The following ELP4 variants were observed in gnomAD, a reference collection of about 807,000 sequenced individuals.
ELP4 encodes the protein elongator acetyltransferase complex subunit 4.
A neutral mutation model predicts 48.9 loss-of-function variants in ELP4; 51 were observed. That is an observed-to-expected ratio of 1.04 (90% CI 0.83 to 1.32). The LOEUF (loss-of-function observed/expected upper bound fraction) is 1.32, where lower values mean the gene tolerates loss of function less well. Ranked by LOEUF, ELP4 falls within the 40% of genes most tolerant of loss-of-function variation. ELP4 has a pLI of 0.00. For missense variants in ELP4, 519 were observed against 514.6 expected, an observed-to-expected ratio of 1.01 and a Z score of -0.08; for synonymous variants, 210 against 189.2, an observed-to-expected ratio of 1.11 and a Z score of -0.90.
intron 5 of ELP4, among the ~76,000 whole-genome samples, chr11:31,607,973 T>C (rs1393136424): frequency 6.6e-6 from 1 of 151,984 alleles, no homozygotes; most frequent in Non-Finnish European, 1.5e-5. Flanking sequence ...AAGGCCTTTG[T>C]GGTTTTGTAG....
chr11:31,771,339 AT>A (rs576129191), intron 9 of ELP4, among the ~76,000 whole-genome samples: 4 of 151,854 alleles, frequency 2.6e-5, no homozygotes, highest in Non-Finnish European at 4.4e-5. Context: ...GTTTGCAACA[AT>A]TTTTTTTTCT....
chr11:31,531,464 T>C (rs1592087963), intron 2 of ELP4, among the ~76,000 whole-genome samples: 1 of 152,212 alleles, frequency 6.6e-6, no homozygotes, highest in South Asian at 2.1e-4. Context: ...CACACTGATA[T>C]CTTACCCAGC....
At chr11:31,527,429 A>G (rs903640875) in intron 2 of ELP4, among the ~76,000 whole-genome samples, 19 of 151,904 alleles carry the variant, frequency 1.3e-4, no homozygotes, top group African/African-American at 4.3e-4. Context: ...ATAGACATCT[A>G]AAATCAATGT....
intron 2 of ELP4, among the ~76,000 whole-genome samples, chr11:31,530,714 C>T (rs1300678428): frequency 6.6e-6 from 1 of 152,120 alleles, no homozygotes; most frequent in Non-Finnish European, 1.5e-5. Context: ...TATAGTCCAA[C>T]AGATATTTGA....
chr11:31,593,772 C>T (rs16922283), intron 3 of ELP4, among the ~76,000 whole-genome samples: 1 of 152,118 alleles, frequency 6.6e-6, no homozygotes, highest in Non-Finnish European at 1.5e-5. Context: ...TAATGCTTAG[C>T]TAGGAATGAT....
In ELP4 at chr11:31,539,782, A is replaced by G. The variant is rs1433077681; in HGVS notation, c.380A>G (p.Gln127Arg). Residue 127 changes from glutamine (Q) to arginine (R), a missense_variant and splice_region_variant, in exon 3 of 10, where the codon CAG (glutamine) becomes CGG (arginine). Transcript: ENST00000640961. ...SAKEDPANILQELPAPLLDDK... is the reference protein window; with the variant it reads ...SAKEDPANILRELPAPLLDDK... Reference sequence around the variant, plus strand: ...AAAGAGGATCCTGCCAACATTTTACAGGTATAGAATATATGAACTTAATAT... The same window carrying G: ...AAAGAGGATCCTGCCAACATTTTACGGGTATAGAATATATGAACTTAATAT... 1.2e-6 allele frequency: 2 copies of G among 1,604,960 alleles called. No individual in the cohort carries two copies. The highest frequency in any genetic ancestry group is 1.3e-5 in the African/African-American group (1 of 74,552).
chr11:31,548,897 A>G (rs1956785008), intron 3 of ELP4, among the ~76,000 whole-genome samples: 1 of 152,208 alleles, frequency 6.6e-6, no homozygotes, highest in African/African-American at 2.4e-5. Context: ...AGGATTTCCT[A>G]TTTAATAAAT....
intron 9 of ELP4, among the ~76,000 whole-genome samples, chr11:31,753,657 GCA>G (rs1947774219): frequency 6.6e-6 from 1 of 152,180 alleles, no homozygotes; most frequent in African/African-American, 2.4e-5. Flanking sequence ...AACAACTTCA[GCA>G]CATAAATAAG....
chr11:31,556,508 T>C (rs1956932162), intron 3 of ELP4, among the ~76,000 whole-genome samples: 1 of 151,978 alleles, frequency 6.6e-6, no homozygotes, highest in African/African-American at 2.4e-5. Flanking sequence ...TTAAGATTTT[T>C]ATATCCTTTT....
intron 9 of ELP4, among the ~76,000 whole-genome samples, chr11:31,759,157 G>A (rs1397612452): frequency 6.6e-6 from 1 of 152,104 alleles, no homozygotes; most frequent in African/African-American, 2.4e-5. Context: ...ATAGCAAAAA[G>A]AAGTTTTGCT....
intron 6 of ELP4, among the ~76,000 whole-genome samples, chr11:31,630,525 C>T (rs900410597): frequency 1.3e-5 from 2 of 151,986 alleles, no homozygotes; most frequent in Non-Finnish European, 2.9e-5. Flanking sequence ...GACAGGGTTT[C>T]ACTACGTTGG....
chr11:31,582,677 C>CT, intron 3 of ELP4, among the ~76,000 whole-genome samples: 1 of 152,222 alleles, frequency 6.6e-6, no homozygotes, highest in East Asian at 1.9e-4. Context: ...GACTGAAAAA[C>CT]TAATTGTAAG....
intron 5 of ELP4, among the ~76,000 whole-genome samples, chr11:31,612,703 A>G (rs546706199): frequency 6.6e-6 from 1 of 152,290 alleles, no homozygotes; most frequent in Admixed American, 6.5e-5. Context: ...CAAGCTACTA[A>G]AATAAGTAAT....
At chr11:31,532,138 G>A (rs1565038321) in intron 2 of ELP4, among the ~76,000 whole-genome samples, 1 of 152,102 alleles carries the variant, frequency 6.6e-6, no homozygotes, top group African/African-American at 2.4e-5. Flanking sequence ...GAAACCTCAA[G>A]CCCAAAGGAA....
chr11:31,625,083 A>G (rs1016843835), intron 5 of ELP4, among the ~76,000 whole-genome samples: 4 of 151,738 alleles, frequency 2.6e-5, no homozygotes, highest in Non-Finnish European at 5.9e-5. Flanking sequence ...TAGTAAGTAC[A>G]TAAGCCAGTA....
At chr11:31,746,816 C>T (rs1947604225) in intron 9 of ELP4, among the ~76,000 whole-genome samples, 1 of 151,802 alleles carries the variant, frequency 6.6e-6, no homozygotes, top group Non-Finnish European at 1.5e-5. Flanking sequence ...TGCAGCACAC[C>T]AACATGGCAC....
chr11:31,771,598 C>G (rs538569296), intron 9 of ELP4, among the ~76,000 whole-genome samples: 103 of 152,336 alleles, frequency 6.8e-4, no homozygotes, highest in African/African-American at 2.1e-3. Flanking sequence ...TCAAGCATGC[C>G]AAACTTATTC....
At chr11:31,723,809 A>G (rs918708959) in intron 9 of ELP4, among the ~76,000 whole-genome samples, 3 of 152,194 alleles carry the variant, frequency 2.0e-5, no homozygotes, top group African/African-American at 4.8e-5. Context: ...AAAGCAGATC[A>G]TATTTATAAA....
intron 1 of ELP4, among the ~76,000 whole-genome samples, chr11:31,517,625 AT>A (rs982634423): frequency 4.1e-4 from 61 of 147,222 alleles, no homozygotes; most frequent in African/African-American, 7.7e-4. Context: ...ACTTTGAGTA[AT>A]TTTTTTTTTT....
Sources: allele counts gnomAD v4.1 joint callset (sites outside exome capture counted in the v4.1 genomes callset), GRCh38; gene constraint gnomAD v4.1.1; transcripts MANE v1.5; gene names NCBI Gene and HGNC (gene_info 2026-07-23, HGNC 2026-07-21).